PPP6R3: variants seen among roughly 807,000 people sequenced by gnomAD.
PPP6R3 encodes serine/threonine-protein phosphatase 6 regulatory subunit 3.
A neutral mutation model predicts 110.7 loss-of-function variants in PPP6R3; 38 were observed. The observed-to-expected ratio is 0.34, with a 90% CI of 0.26 to 0.45. The LOEUF (loss-of-function observed/expected upper bound fraction) is 0.45. Among genes scored for constraint, PPP6R3 ranks in the 20% least tolerant of loss-of-function variants. The pLI, the probability that PPP6R3 is intolerant of heterozygous loss-of-function variation, is 1.00. For synonymous variants in PPP6R3, 369 were observed against 373.5 expected, an observed-to-expected ratio of 0.99 and a Z score of 0.14; for missense variants, 870 against 1,062.4, an observed-to-expected ratio of 0.82 and a Z score of 2.52.
At chr11:68,521,029 C>T (rs2099161864) in intron 2 of PPP6R3, among the ~76,000 whole-genome samples, 1 of 152,174 alleles carries the variant, frequency 6.6e-6, no homozygotes, top group African/African-American at 2.4e-5. Context: ...GCCTAGGCCT[C>T]CCAAAGTGCT....
intron 1 of PPP6R3, among the ~76,000 whole-genome samples, chr11:68,485,129 A>G (rs2098938348): frequency 1.3e-5 from 2 of 151,728 alleles, no homozygotes; most frequent in Non-Finnish European, 1.5e-5. Flanking sequence ...TAAGTATTTC[A>G]TTTTTTGGAT....
rs201126068 is a variant in PPP6R3, at chr11:68,548,164, C to T, written c.512C>T (p.Thr171Met). 3.7e-6 allele frequency: 6 copies of T among 1,614,122 alleles called. No individual in the cohort carries two copies. The highest frequency in any genetic ancestry group is 4.5e-5 in the East Asian group (2 of 44,880). Reference sequence around the variant, plus strand: ...ATGGATTTGTTGCTCAGGCTCCTGACGTGTATCGAACCTCCACAGCCCAGG... The same window carrying T: ...ATGGATTTGTTGCTCAGGCTCCTGATGTGTATCGAACCTCCACAGCCCAGG... Reference protein sequence around the residue: ...AIMDLLLRLLTCIEPPQPRQD... With the variant: ...AIMDLLLRLLMCIEPPQPRQD... Residue 171 changes from threonine to methionine, a missense_variant, in exon 5 of 24, where the codon ACG (threonine) becomes ATG (methionine). By Grantham distance (81) the Thr-to-Met change is moderately conservative. Transcript: ENST00000393800.
At chr11:68,487,634 CT>C (rs1424063856) in intron 1 of PPP6R3, among the ~76,000 whole-genome samples, 6 of 151,020 alleles carry the variant, frequency 4.0e-5, no homozygotes, top group African/African-American at 1.5e-4. Flanking sequence ...CTTGAGATTT[CT>C]TTTTTGACTC....
chr11:68,580,746 C>CTTTTTT (rs71043441), intron 14 of PPP6R3, among the ~76,000 whole-genome samples: 11 of 67,530 alleles, frequency 1.6e-4, no homozygotes, highest in Admixed American at 2.4e-4. Context: ...GGTAAATAAT[C>CTTTTTT]TTTTTTTTTT....
At chr11:68,534,805 T>TG (rs376143438) in intron 2 of PPP6R3, among the ~76,000 whole-genome samples, 152 of 152,284 alleles carry the variant, frequency 1.0e-3, no homozygotes, top group African/African-American at 3.6e-3. Flanking sequence ...TAGAGGTGCA[T>TG]GAGCTGTATT....
At chr11:68,594,696 C>T (rs7123564) in intron 18 of PPP6R3, among the ~76,000 whole-genome samples, 34,979 of 152,038 alleles carry the variant, frequency 0.23, 4,269 homozygotes, top group Middle Eastern at 0.32. Flanking sequence ...CAAACAAAAT[C>T]CTTCCAGCCT....
intron 1 of PPP6R3, among the ~76,000 whole-genome samples, chr11:68,518,711 A>G (rs1449891772): frequency 6.6e-6 from 1 of 152,212 alleles, no homozygotes; most frequent in Non-Finnish European, 1.5e-5. Flanking sequence ...TGATTTTAAC[A>G]AATGTTTAAC....
rs1373997940 is a variant in PPP6R3 at position 68,544,867 on chromosome 11, C to G, written c.257C>G (p.Thr86Ser). ...KYPNISCELL[T>S]SDVSQMNDRL... The stretch of plus-strand genomic sequence containing the variant: ...CCAAATATATCTTGTGAGTTGCTCA[C>G]TTCTGATGTCTCCCAGATGAATGAT... Residue 86 changes from threonine (T) to serine (S), a missense_variant, in exon 4 of 24, where the codon ACT becomes AGT. By Grantham distance (58) the Thr-to-Ser change is moderately conservative. Transcript: ENST00000393800. The G allele has an allele frequency of 6.2e-7, 1 of 1,606,558 alleles. No homozygotes were observed. Among genetic ancestry groups the G allele is most frequent in the Non-Finnish European group, 8.5e-7 (1 of 1,173,414 alleles).
chr11:68,552,869 C>T (rs111388035), intron 6 of PPP6R3, among the ~76,000 whole-genome samples: 1,867 of 152,334 alleles, frequency 0.012, 14 homozygotes, highest in African/African-American at 0.029. Flanking sequence ...TCCAATTCTG[C>T]AACAAGTTTT....
intron 20 of PPP6R3, 106 bp from the exon 21 acceptor site, chr11:68,601,757 C>T (rs1333722461): frequency 4.8e-6 from 4 of 841,382 alleles, no homozygotes; most frequent in Non-Finnish European, 7.7e-6. Flanking sequence ...TACACAGATG[C>T]TAATGTCTCC....
Position 68,573,114 on chromosome 11 carries a change from TTATATATATATATATATATATATATA to T in PPP6R3, c.1344-980_1344-955del, listed in dbSNP as rs60848718. On this transcript the variant is annotated intron_variant, in intron 12 of 23. Transcript: ENST00000393800. ...TCAGATTAATATGAGTTTACTTATT[TTATATATATATATATATATATATATA>T]TATATATATATATAATTTTTTTTTT... is the stretch of plus-strand genomic sequence containing the variant. 4.2e-4 allele frequency among the ~76,000 whole-genome samples: 26 copies of T among 61,800 alleles called. 1 individual carries two copies. In the East Asian group the frequency reaches 7.1e-3, roughly 17 times the overall value. The allele number at this position is 61,800 out of a possible 152,430, so 40.5% of individuals were successfully genotyped here. A position where few individuals can be genotyped will look rare whatever the true frequency, so the allele number is the denominator to read the frequency against.
chr11:68,582,095 G>A (rs945254516), intron 14 of PPP6R3, among the ~76,000 whole-genome samples: 1 of 152,338 alleles, frequency 6.6e-6, no homozygotes, highest in Admixed American at 6.5e-5. Flanking sequence ...GTTAGGTACA[G>A]CCTCATGAGT....
chr11:68,550,065 G>A (rs2153693723), intron 5 of PPP6R3, among the ~76,000 whole-genome samples: 1 of 152,246 alleles, frequency 6.6e-6, no homozygotes, highest in South Asian at 2.1e-4. Flanking sequence ...TCAAAGAATG[G>A]TCCTAGACAT....
At chr11:68,466,976 A>AACCTT (rs200087632) in intron 1 of PPP6R3, among the ~76,000 whole-genome samples, 37,714 of 148,194 alleles carry the variant, frequency 0.25, 4,597 homozygotes, top group Middle Eastern at 0.33. Context: ...TCGATCTCTT[A>AACCTT]GTGAGCCGCC....
rs565742436 is a variant in PPP6R3, at chr11:68,521,753, A to G, written c.-7+2102A>G. On this transcript the variant is annotated intron_variant, in intron 2 of 23. Transcript: ENST00000393800. ...TATTTATATACCAAGAGACACAACA[A>G]TTTTTTACAGGCTTTGTTATTGGTG... Among the ~76,000 whole-genome samples, 14 of 152,304 alleles carry G rather than the reference A, an allele frequency of 9.2e-5. No individual in the cohort carries two copies. In the South Asian group the frequency reaches 1.9e-3, roughly 20 times the overall value.
At chr11:68,527,632 G>A (rs1338495390) in intron 2 of PPP6R3, among the ~76,000 whole-genome samples, 1 of 142,006 alleles carries the variant, frequency 7.0e-6, no homozygotes, top group Non-Finnish European at 1.5e-5. Context: ...ATTGTTCTAT[G>A]TTATTAAAAT....
At chr11:68,603,177 C>T (rs950008544) in intron 21 of PPP6R3, among the ~76,000 whole-genome samples, 165 bp from the exon 22 acceptor site, 2 of 152,070 alleles carry the variant, frequency 1.3e-5, no homozygotes, top group Non-Finnish European at 2.9e-5. Flanking sequence ...TAAGAAGTCT[C>T]TCCCCATCAA....
In PPP6R3 at chr11:68,573,147, TA is replaced by T. The variant is rs1565935468; in HGVS notation, c.1344-961del. 3.2e-3 allele frequency among the ~76,000 whole-genome samples: 359 copies of T among 112,510 alleles called. 9 individuals carry two copies. Among genetic ancestry groups the T allele is most frequent in the Non-Finnish European group, 5.4e-3 (298 of 55,128 alleles). 73.8% of individuals were successfully genotyped at this position (112,510 alleles called of 152,430 possible). A position where few individuals can be genotyped will look rare whatever the true frequency, so the allele number is the denominator to read the frequency against. ...ATATATATATATATATATATATATA[TA>T]TATATAATTTTTTTTTTTTTGAGAC... is the stretch of plus-strand genomic sequence containing the variant. On this transcript the variant is annotated intron_variant, in intron 12 of 23. Coordinates refer to ENST00000393800, the MANE Select transcript of PPP6R3 (RefSeq NM_001164161.2).
In PPP6R3 at chr11:68,609,898, C is replaced by T; in HGVS notation, c.2451-6C>T. 2 of 1,613,994 alleles carry T rather than the reference C, an allele frequency of 1.2e-6. No homozygotes were observed. Among genetic ancestry groups the T allele is most frequent in the East Asian group, 2.2e-5 (1 of 44,876 alleles). ...TTTGATGTGCCTGTCATCCTCTTTA[C>T]TGCAGTGAGGAAGGGAAACTGTCTA... On this transcript the variant is annotated splice_region_variant and splice_polypyrimidine_tract_variant and intron_variant, in intron 22 of 23. Transcript: ENST00000393800.
Sources: gnomAD v4.1 joint callset for allele counts (sites outside exome capture counted in the v4.1 genomes callset) on GRCh38, gnomAD v4.1.1 for gene constraint, MANE v1.5 for transcripts, NCBI Gene and HGNC (gene_info 2026-07-23, HGNC 2026-07-21) for gene names.